KHDRBS2: variants seen among roughly 807,000 people sequenced by gnomAD.
The protein encoded by KHDRBS2 is KH domain-containing, RNA-binding, signal transduction-associated protein 2.
In KHDRBS2, 26 loss-of-function variants were observed where a neutral mutation model predicts 44.3. The observed-to-expected ratio is 0.59, with a 90% CI of 0.43 to 0.81. KHDRBS2 has a LOEUF of 0.81. KHDRBS2 is among the 40% of genes least tolerant of loss of function. The probability of loss-of-function intolerance (pLI) is 0.00; values close to 1 mark genes in which losing one functional copy is unlikely to be tolerated. For synonymous variants in KHDRBS2, 194 were observed against 151.1 expected, an observed-to-expected ratio of 1.28 and a Z score of -2.08; for missense variants, 476 against 433.1, an observed-to-expected ratio of 1.10 and a Z score of -0.88.
chr6:61,551,008 G>A, the KHDRBS2 span, among the ~76,000 whole-genome samples: 2 of 151,942 alleles, frequency 1.3e-5, no homozygotes, highest in African/African-American at 2.4e-5. Flanking sequence ...TTCTGGCCTC[G>A]AGTGATATGC....
At chr6:62,061,740 G>T (rs1484448032) in intron 2 of KHDRBS2, among the ~76,000 whole-genome samples, 1 of 150,008 alleles carries the variant, frequency 6.7e-6, no homozygotes, top group Non-Finnish European at 1.5e-5. Flanking sequence ...GATTGGGGAA[G>T]TTCTCCTGGA....
chr6:61,584,944 C>A, the KHDRBS2 span, among the ~76,000 whole-genome samples: 1 of 151,828 alleles, frequency 6.6e-6, no homozygotes, highest in African/African-American at 2.4e-5. Flanking sequence ...TTTTCTTTTT[C>A]ATATTGACAC....
chr6:62,144,857 T>C (rs958637797), intron 2 of KHDRBS2, among the ~76,000 whole-genome samples: 10 of 151,932 alleles, frequency 6.6e-5, no homozygotes, highest in African/African-American at 2.4e-4. Flanking sequence ...GACAGTAGCA[T>C]GCCTACAAAT....
intron 1 of KHDRBS2, among the ~76,000 whole-genome samples, chr6:62,187,837 C>G (rs2150129389): frequency 6.6e-6 from 1 of 152,104 alleles, no homozygotes; most frequent in South Asian, 2.1e-4. Context: ...GTATATTTGT[C>G]CATTTGCATT....
At chr6:62,224,440 G>A (rs960435501) in intron 1 of KHDRBS2, among the ~76,000 whole-genome samples, 1 of 152,004 alleles carries the variant, frequency 6.6e-6, no homozygotes, top group African/African-American at 2.4e-5. Flanking sequence ...GGTTTGTATG[G>A]GAATACGACT....
chr6:61,741,369 A>C (rs1306838505), intron 6 of KHDRBS2, among the ~76,000 whole-genome samples: 2 of 151,968 alleles, frequency 1.3e-5, no homozygotes, highest in African/African-American at 4.8e-5. Flanking sequence ...GGGAATCATC[A>C]CATAAAAATA....
chr6:62,107,069 C>A (rs1183144616), intron 2 of KHDRBS2, among the ~76,000 whole-genome samples: 1 of 151,906 alleles, frequency 6.6e-6, no homozygotes, highest in African/African-American at 2.4e-5. Context: ...TCCTATTCAA[C>A]ATAGTGTTGG....
intron 6 of KHDRBS2, among the ~76,000 whole-genome samples, chr6:61,793,775 A>G (rs1460408434): frequency 6.6e-6 from 1 of 152,082 alleles, no homozygotes; most frequent in African/African-American, 2.4e-5. Flanking sequence ...TTATTTTTGT[A>G]ATGGTTATGT....
intron 4 of KHDRBS2, among the ~76,000 whole-genome samples, chr6:61,933,205 A>G (rs2127368753): frequency 6.6e-6 from 1 of 152,246 alleles, no homozygotes; most frequent in South Asian, 2.1e-4. Context: ...GTGGTGCTAC[A>G]CACTTTTAAA....
At chr6:61,756,363 C>T (rs1048500845) in intron 6 of KHDRBS2, among the ~76,000 whole-genome samples, 3 of 152,062 alleles carry the variant, frequency 2.0e-5, no homozygotes, top group East Asian at 1.9e-4. Flanking sequence ...TTCAATCAAT[C>T]GATTCTCCTG....
intron 6 of KHDRBS2, among the ~76,000 whole-genome samples, chr6:61,737,244 C>T (rs1411895018): frequency 6.6e-6 from 1 of 151,942 alleles, no homozygotes; most frequent in Non-Finnish European, 1.5e-5. Flanking sequence ...CAGAAAATCC[C>T]CAGAGTAGAT....
At chr6:61,919,575 A>G (rs1483536251) in intron 4 of KHDRBS2, among the ~76,000 whole-genome samples, 1 of 151,836 alleles carries the variant, frequency 6.6e-6, no homozygotes, top group African/African-American at 2.4e-5. Context: ...ACTTTTTTGT[A>G]TAACTTCTAT....
At chr6:62,200,866 A>G (rs1826817005) in intron 1 of KHDRBS2, among the ~76,000 whole-genome samples, 1 of 152,188 alleles carries the variant, frequency 6.6e-6, no homozygotes, top group African/African-American at 2.4e-5. Context: ...CTGGATTAAG[A>G]AAATGTGGCA....
chr6:62,063,512 G>A (rs1294590564), intron 2 of KHDRBS2, among the ~76,000 whole-genome samples: 2 of 151,440 alleles, frequency 1.3e-5, no homozygotes, highest in East Asian at 2.0e-4. Flanking sequence ...CATATAAACA[G>A]AGCCACAGAC....
the KHDRBS2 span, among the ~76,000 whole-genome samples, chr6:61,588,620 C>CA: frequency 6.6e-6 from 1 of 151,838 alleles, no homozygotes; most frequent in Non-Finnish European, 1.5e-5. Context: ...CTTGTCTCTA[C>CA]AAAAAAACAA....
At chr6:61,753,189 C>T (rs1030490746) in intron 6 of KHDRBS2, among the ~76,000 whole-genome samples, 3 of 152,116 alleles carry the variant, frequency 2.0e-5, no homozygotes, top group Admixed American at 2.0e-4. Flanking sequence ...TCTCTCTCCT[C>T]ATTCTCCATG....
At chr6:61,592,602 G>T in the KHDRBS2 span, among the ~76,000 whole-genome samples, 5,185 of 152,234 alleles carry the variant, frequency 0.034, 288 homozygotes, top group African/African-American at 0.12. Context: ...AGCTTTTCAA[G>T]GCTATTCCTG....
intron 2 of KHDRBS2, among the ~76,000 whole-genome samples, chr6:62,175,708 C>T (rs543821601): frequency 6.6e-6 from 1 of 151,618 alleles, no homozygotes; most frequent in South Asian, 2.1e-4. Flanking sequence ...GGAGCATTTT[C>T]TTATACATTA....
At position 61,703,637 on chromosome 6, in the gene KHDRBS2, A is replaced by G. The variant is rs924716761; in HGVS notation, c.894-6384T>C. Among the ~76,000 whole-genome samples, 3 of 151,876 alleles carry G rather than the reference A, an allele frequency of 2.0e-5. No homozygotes were observed. The Admixed American group carries it at 2.0e-4, about 10-fold the overall frequency. Reference sequence around the variant, plus strand: ...TTTATATCCACTTATGTGTCTATCAAATTATTCTATTAAGCTTCCTAAAGC... The same window carrying G: ...TTTATATCCACTTATGTGTCTATCAGATTATTCTATTAAGCTTCCTAAAGC... On this transcript the variant is annotated intron_variant, in intron 7 of 8. Transcript: ENST00000281156.
Sources: gnomAD v4.1 joint callset for allele counts (sites outside exome capture counted in the v4.1 genomes callset) on GRCh38, gnomAD v4.1.1 for gene constraint, MANE v1.5 for transcripts, NCBI Gene and HGNC (gene_info 2026-07-23, HGNC 2026-07-21) for gene names.